AK8: variants seen among roughly 807,000 people sequenced by gnomAD.
AK8 encodes the protein ATP-AMP transphosphorylase 8.
A neutral mutation model predicts 54.6 loss-of-function variants in AK8; 44 were observed. The ratio of observed to expected loss-of-function variants is 0.81; its 90% CI spans 0.63 to 1.04. The LOEUF (loss-of-function observed/expected upper bound fraction) is 1.04, where lower values mean the gene tolerates loss of function less well. AK8 is among the 50% of genes least tolerant of loss of function. The pLI is 0.00. For synonymous variants in AK8, 239 were observed against 245.6 expected, an observed-to-expected ratio of 0.97 and a Z score of 0.25; for missense variants, 555 against 613.6, an observed-to-expected ratio of 0.90 and a Z score of 1.01.
chr9:132,748,207 G>A (rs1406849440), intron 11 of AK8, among the ~76,000 whole-genome samples: 1 of 151,640 alleles, frequency 6.6e-6, no homozygotes, highest in Non-Finnish European at 1.5e-5. Flanking sequence ...GTGATAACAC[G>A]TAGATAACCG....
intron 9 of AK8, among the ~76,000 whole-genome samples, chr9:132,817,911 G>A (rs565159570): frequency 7.2e-5 from 11 of 152,252 alleles, no homozygotes; most frequent in South Asian, 2.1e-4. Context: ...GTCACACTTC[G>A]ATACATCGTA....
intron 11 of AK8, among the ~76,000 whole-genome samples, chr9:132,733,958 C>T (rs1836982305): frequency 6.6e-6 from 1 of 151,982 alleles, no homozygotes; most frequent in African/African-American, 2.4e-5. Flanking sequence ...TTTTGGGAGG[C>T]CTCTAATCCC....
chr9:132,841,708 G>A (rs1267741071), intron 5 of AK8, among the ~76,000 whole-genome samples: 1 of 152,140 alleles, frequency 6.6e-6, no homozygotes, highest in Non-Finnish European at 1.5e-5. Flanking sequence ...AGGTTTTTGT[G>A]GGATGATTTC....
chr9:132,815,245 C>T (rs150575452), intron 9 of AK8, among the ~76,000 whole-genome samples: 29 of 152,274 alleles, frequency 1.9e-4, no homozygotes, highest in Admixed American at 3.9e-4. Flanking sequence ...CCACACAATA[C>T]GATAGATTCA....
At chr9:132,773,298 A>T (rs1839066594) in intron 11 of AK8, among the ~76,000 whole-genome samples, 1 of 152,130 alleles carries the variant, frequency 6.6e-6, no homozygotes, top group Admixed American at 6.5e-5. Flanking sequence ...AAGCATCATC[A>T]GAAAGGCCTT....
intron 11 of AK8, among the ~76,000 whole-genome samples, chr9:132,734,668 T>C (rs956570500): frequency 6.6e-6 from 1 of 152,154 alleles, no homozygotes; most frequent in African/African-American, 2.4e-5. Context: ...CCCAGGAGTT[T>C]GAGGCTGCAG....
At chr9:132,873,877 G>T (rs933445781) in intron 2 of AK8, among the ~76,000 whole-genome samples, 1 of 152,110 alleles carries the variant, frequency 6.6e-6, no homozygotes. Context: ...TGATGAATCT[G>T]GGGAGACAAA....
chr9:132,744,683 C>T (rs1008772212), intron 11 of AK8, among the ~76,000 whole-genome samples: 12 of 151,198 alleles, frequency 7.9e-5, no homozygotes, highest in African/African-American at 2.9e-4. Context: ...AATATGTTTA[C>T]AGTGTCCCCA....
rs1040306536 is a variant in AK8 at position 132,803,497 on chromosome 9, G to A, written c.980-10722C>T. Among the ~76,000 whole-genome samples, 2 of 152,212 alleles carry A rather than the reference G, an allele frequency of 1.3e-5. No homozygotes were observed. The highest frequency in any genetic ancestry group is 2.4e-5 in the African/African-American group (1 of 41,458). On this transcript the variant is annotated intron_variant, in intron 10 of 12. Transcript: ENST00000298545. The surrounding 1 kb of genome is among the most constrained non-coding windows in gnomAD (Gnocchi z 4.4). ...CCATTCTTGATAATAATCATGGTGA[G>A]TAATCAGTGATTACAACCAGTGACC... is the stretch of plus-strand genomic sequence containing the variant.
intron 1 of AK8, among the ~76,000 whole-genome samples, chr9:132,876,446 G>C (rs1844103816): frequency 6.6e-6 from 1 of 152,168 alleles, no homozygotes; most frequent in Non-Finnish European, 1.5e-5. Flanking sequence ...TTAAACAAGT[G>C]ATTAGTTTAA....
intron 9 of AK8, among the ~76,000 whole-genome samples, chr9:132,818,183 C>T (rs1004481763): frequency 2.6e-5 from 4 of 152,084 alleles, no homozygotes; most frequent in African/African-American, 9.7e-5. Flanking sequence ...GAAAATTTGT[C>T]ACCAGCACAC....
At chr9:132,804,859 C>A (rs1840643862) in intron 10 of AK8, among the ~76,000 whole-genome samples, 1 of 152,208 alleles carries the variant, frequency 6.6e-6, no homozygotes, top group African/African-American at 2.4e-5. Flanking sequence ...CAGAGGGTCA[C>A]TGGGGCCACC....
intron 11 of AK8, among the ~76,000 whole-genome samples, chr9:132,784,602 G>A (rs2131140659): frequency 6.6e-6 from 1 of 152,280 alleles, no homozygotes; most frequent in East Asian, 1.9e-4. Flanking sequence ...CAAGATGTCA[G>A]AGGCTGTGCA....
At chr9:132,869,408 G>A (rs954258040) in intron 2 of AK8, among the ~76,000 whole-genome samples, 3 of 152,190 alleles carry the variant, frequency 2.0e-5, no homozygotes, top group African/African-American at 4.8e-5. Context: ...CCATGCTGCC[G>A]CCATCAACCA....
chr9:132,757,239 C>T (rs10123872), intron 11 of AK8, among the ~76,000 whole-genome samples: 27,883 of 152,062 alleles, frequency 0.18, 2,823 homozygotes, highest in African/African-American at 0.25. Flanking sequence ...CACAGCTCAC[C>T]GGGATGGTCA....
intron 10 of AK8, among the ~76,000 whole-genome samples, chr9:132,808,351 T>C (rs1408778849): frequency 6.6e-6 from 1 of 152,224 alleles, no homozygotes; most frequent in East Asian, 1.9e-4. Context: ...CCTATATATT[T>C]CAAAGTCCAG....
intron 6 of AK8, among the ~76,000 whole-genome samples, chr9:132,828,288 C>T (rs1419268957): frequency 6.6e-6 from 1 of 152,234 alleles, no homozygotes; most frequent in East Asian, 1.9e-4. Context: ...TGGGACAGAG[C>T]ACGGCCCATG....
At chr9:132,838,876 T>C (rs1331956639) in intron 5 of AK8, among the ~76,000 whole-genome samples, 12 of 152,194 alleles carry the variant, frequency 7.9e-5, no homozygotes, top group Admixed American at 5.2e-4. Context: ...TGCATCACAG[T>C]GTGACGTGGT....
chr9:132,729,188 A>G (rs1289404734), intron 11 of AK8, among the ~76,000 whole-genome samples: 2 of 152,224 alleles, frequency 1.3e-5, no homozygotes, highest in Non-Finnish European at 2.9e-5. Context: ...TGTGGCCTAT[A>G]TAAGACCTTA....
Sources: allele counts gnomAD v4.1 joint callset (sites outside exome capture counted in the v4.1 genomes callset), GRCh38; gene constraint gnomAD v4.1.1; non-coding constraint Gnocchi (gnomAD v3.1); transcripts MANE v1.5; gene names NCBI Gene and HGNC (gene_info 2026-07-23, HGNC 2026-07-21).